Variants in INPP4B observed in about 807,000 individuals in gnomAD.
INPP4B encodes the protein inositol polyphosphate-4-phosphatase type II B, also known as inositol polyphosphate 4-phosphatase type II.
INPP4B carries 55 observed loss-of-function variants against 122.5 expected under a neutral mutation model. That is an observed-to-expected ratio of 0.45 (90% CI 0.36 to 0.56). The LOEUF (loss-of-function observed/expected upper bound fraction) is 0.56, where lower values mean the gene tolerates loss of function less well. Ranked by LOEUF, INPP4B falls within the 20% of genes least tolerant of loss-of-function variation. The pLI is 0.00. For synonymous variants in INPP4B, 403 were observed against 388.7 expected (o/e 1.04, Z -0.43); for missense variants, 1,000 against 1,097.7 (o/e 0.91, Z 1.26).
intron 2 of INPP4B, among the ~76,000 whole-genome samples, chr4:142,590,020 C>G (rs1207651055): frequency 3.9e-5 from 6 of 152,004 alleles, no homozygotes; most frequent in Non-Finnish European, 7.4e-5. Context: ...GGAAGAGCCC[C>G]TTCTGAAAAG....
Position 142,122,055 on chromosome 4 carries a change from C to T in INPP4B, c.2135+73G>A, listed in dbSNP as rs551921472. 5.7e-5 allele frequency: 51 copies of T among 902,304 alleles called. No individual in the cohort carries two copies. The East Asian group carries it at 1.3e-3, about 24-fold the overall frequency. 55.9% of individuals were successfully genotyped at this position (902,304 alleles called of 1,614,324 possible). ...ATTCCCAAATCAAACCTGAATTCTC[C>T]TTGCCTCCTCTGACAGGAGTTAACA... On this transcript the variant is annotated intron_variant, in intron 21 of 25. Transcript: ENST00000262992.
At position 142,671,601 on chromosome 4, in the gene INPP4B, TAGA is replaced by T. The variant is rs200825318; in HGVS notation, c.-191+54235_-191+54237del. On this transcript the variant is annotated intron_variant, in intron 2 of 25. Transcript: ENST00000262992. ...TAGGTCCAGAAACCAAGGGATAAAG[TAGA>T]AGTTGTCCCACTTACTATTATTGCC... Among the ~76,000 whole-genome samples, 1,401 of 152,198 alleles carry T rather than the reference TAGA, an allele frequency of 9.2e-3. 20 individuals carry two copies. Among genetic ancestry groups the T allele is most frequent in the African/African-American group, 0.032 (1,339 of 41,524 alleles).
chr4:142,331,649 A>C (rs1448874318), intron 7 of INPP4B, among the ~76,000 whole-genome samples: 2 of 152,194 alleles, frequency 1.3e-5, no homozygotes, highest in East Asian at 3.8e-4. Flanking sequence ...TCAGATTCCC[A>C]GTAATTGCTA....
chr4:142,625,874 A>C (rs1348529886), intron 2 of INPP4B, among the ~76,000 whole-genome samples: 6 of 152,240 alleles, frequency 3.9e-5, no homozygotes, highest in South Asian at 2.1e-4. Flanking sequence ...CAAAAACAAG[A>C]AATGGGGAAA....
intron 7 of INPP4B, among the ~76,000 whole-genome samples, chr4:142,363,327 G>T (rs1291891538): frequency 6.6e-6 from 1 of 151,306 alleles, no homozygotes; most frequent in Admixed American, 6.6e-5. Context: ...ACAAAAAGGG[G>T]CATATAAACA....
intron 8 of INPP4B, among the ~76,000 whole-genome samples, chr4:142,309,578 A>G (rs929762965): frequency 6.6e-6 from 1 of 152,200 alleles, no homozygotes; most frequent in African/African-American, 2.4e-5. Context: ...AATCTGCAGA[A>G]GGCAAGTTAG....
chr4:142,429,253 A>G, intron 4 of INPP4B, 36 bp from the exon 5 acceptor site: 2 of 1,167,848 alleles, frequency 1.7e-6, no homozygotes, highest in Non-Finnish European at 2.5e-6. Flanking sequence ...ATTTTTAAAA[A>G]ATTGAATTAT....
At chr4:142,774,254 A>C (rs112218334) in intron 1 of INPP4B, among the ~76,000 whole-genome samples, 8,096 of 152,092 alleles carry the variant, frequency 0.053, 351 homozygotes, top group African/African-American at 0.1. Flanking sequence ...CAGTGCAATC[A>C]TGGAGGTGTT....
At chr4:142,715,397 T>C (rs1763635463) in intron 2 of INPP4B, among the ~76,000 whole-genome samples, 1 of 152,232 alleles carries the variant, frequency 6.6e-6, no homozygotes, top group Non-Finnish European at 1.5e-5. Flanking sequence ...CACATGTGCC[T>C]AGTGGCTATC....
intron 8 of INPP4B, among the ~76,000 whole-genome samples, chr4:142,312,905 T>C (rs942450676): frequency 6.6e-6 from 1 of 152,106 alleles, no homozygotes; most frequent in Non-Finnish European, 1.5e-5. Context: ...AAGCATCAAG[T>C]CTAGCAGTAA....
chr4:142,314,843 C>T, intron 7 of INPP4B, 81 bp from the exon 8 acceptor site: 1 of 1,125,526 alleles, frequency 8.9e-7, no homozygotes, highest in Non-Finnish European at 1.3e-6. Flanking sequence ...GTTTCAATTT[C>T]CTTCATCTCG....
At chr4:142,826,045 G>A (rs1037519304) in intron 1 of INPP4B, among the ~76,000 whole-genome samples, 20 of 151,928 alleles carry the variant, frequency 1.3e-4, no homozygotes, top group Non-Finnish European at 5.9e-5. Context: ...TGTTTGTGTT[G>A]TCGCATCGCC....
chr4:142,585,331 A>G (rs1436345257), intron 2 of INPP4B, among the ~76,000 whole-genome samples: 1 of 152,112 alleles, frequency 6.6e-6, no homozygotes, highest in Non-Finnish European at 1.5e-5. Flanking sequence ...ACTTTTTGGA[A>G]GATGCTCTTT....
In INPP4B at chr4:142,537,429, T is replaced by TATATATATATATAGAG. The variant is rs1200701380; in HGVS notation, c.-190-74704_-190-74703insCTCTATATATATATAT. Among the ~76,000 whole-genome samples, 46 of 25,480 alleles carry TATATATATATATAGAG rather than the reference T, an allele frequency of 1.8e-3. 1 individual carries two copies. The highest frequency in any genetic ancestry group is 3.8e-3 in the Non-Finnish European group (41 of 10,920). 16.7% of individuals were successfully genotyped at this position (25,480 alleles called of 152,430 possible). On this transcript the variant is annotated intron_variant, in intron 2 of 25. Coordinates refer to ENST00000262992, the MANE Select transcript of INPP4B (RefSeq NM_001101669.3). ...ATATATATATATATATATATATATA[T>TATATATATATATAGAG]AGAGAGAGAGAGAGAGAGAGAGAGA...
At chr4:142,758,536 C>T (rs1770831838) in intron 1 of INPP4B, among the ~76,000 whole-genome samples, 1 of 152,118 alleles carries the variant, frequency 6.6e-6, no homozygotes, top group Non-Finnish European at 1.5e-5. Context: ...GGGACACTTG[C>T]CCTCAACAGG....
chr4:142,560,342 AT>A (rs1301725274), intron 2 of INPP4B: 1 of 152,232 alleles, frequency 6.6e-6, no homozygotes, highest in Non-Finnish European at 1.5e-5. Context: ...ATACTTCTTA[AT>A]TCTGAAAGCT....
chr4:142,414,916 G>A (rs1805355531), intron 5 of INPP4B, among the ~76,000 whole-genome samples: 1 of 152,188 alleles, frequency 6.6e-6, no homozygotes, highest in Admixed American at 6.5e-5. Context: ...TGCTGCTTAA[G>A]AAAGGATGAA....
chr4:142,309,742 A>G (rs1178039986), intron 8 of INPP4B, among the ~76,000 whole-genome samples: 1 of 152,154 alleles, frequency 6.6e-6, no homozygotes, highest in Non-Finnish European at 1.5e-5. Flanking sequence ...ATGACAACTC[A>G]ACACTCAGTT....
intron 9 of INPP4B, among the ~76,000 whole-genome samples, chr4:142,295,920 T>C (rs1758496418): frequency 6.6e-6 from 1 of 152,192 alleles, no homozygotes; most frequent in South Asian, 2.1e-4. Context: ...AAACTGACTT[T>C]GGTAAATATG....
Sources: allele counts gnomAD v4.1 joint callset (sites outside exome capture counted in the v4.1 genomes callset), GRCh38; gene constraint gnomAD v4.1.1; transcripts MANE v1.5; gene names NCBI Gene and HGNC (gene_info 2026-07-23, HGNC 2026-07-21).